The following AASS variants were observed in gnomAD, a reference collection of about 807,000 sequenced individuals.
AASS encodes the protein aminoadipate-semialdehyde synthase, also known as alpha-aminoadipic semialdehyde synthase, mitochondrial.
AASS carries 86 observed loss-of-function variants against 105.4 expected under a neutral mutation model. The observed-to-expected ratio is 0.82, with a 90% CI of 0.69 to 0.98. The LOEUF is 0.98. AASS is among the 50% of genes least tolerant of loss of function. The pLI is 0.00. For missense variants in AASS, 1,048 were observed against 1,143.2 expected (o/e 0.92, Z 1.20); for synonymous variants, 381 against 394.8 (o/e 0.96, Z 0.41).
rs1157525957 is a variant in AASS at position 122,098,791 on chromosome 7, A to C, written c.1482T>G (p.Pro494=). Residue 494 remains proline (P), a synonymous_variant, in exon 14 of 24, where the codon CCT becomes CCG. Coordinates refer to ENST00000417368, the MANE Select transcript of AASS (RefSeq NM_005763.4). Reference sequence around the variant, plus strand: ...CATCTCTTGATAAATATTCTAATACAGGCTCAGATATGTAGCCAGATCCAA... The same window carrying C: ...CATCTCTTGATAAATATTCTAATACCGGCTCAGATATGTAGCCAGATCCAA... ...LVLGSGYISE[P]VLEYLSRDGN... 6.2e-7 allele frequency: 1 copy of C among 1,606,626 alleles called. No homozygotes were observed.
intron 1 of AASS, among the ~76,000 whole-genome samples, chr7:122,141,109 G>T (rs147279461): frequency 1.3e-5 from 2 of 152,264 alleles, no homozygotes; most frequent in Non-Finnish European, 2.9e-5. Flanking sequence ...CTAGAACTAG[G>T]CTTGGGCTTG....
rs1001098239 is a variant in AASS, at chr7:122,073,827, T to C, written c.*2662A>G. On this transcript the variant is annotated 3_prime_UTR_variant, in exon 24 of 24. Coordinates refer to ENST00000417368, the MANE Select transcript of AASS (RefSeq NM_005763.4). ...TGGACATTTCATATAAATGAAATCA[T>C]ATAATATGTGGCCTTTCATGTCTGG... Among the ~76,000 whole-genome samples the C allele has an allele frequency of 5.6e-4, 86 of 152,322 alleles. 1 individual carries two copies. Among genetic ancestry groups the C allele is most frequent in the African/African-American group, 2.0e-3 (84 of 41,574 alleles).
At chr7:122,106,245 C>T (rs373220395) in intron 11 of AASS, among the ~76,000 whole-genome samples, 18 of 151,938 alleles carry the variant, frequency 1.2e-4, no homozygotes, top group African/African-American at 4.3e-4. Context: ...ACTTCCAATA[C>T]TATGTTGGAT....
In AASS at chr7:122,098,494, T is replaced by G. The variant is rs1794273331; in HGVS notation, c.1611A>C (p.Glu537Asp). 1.2e-6 allele frequency: 2 copies of G among 1,612,252 alleles called. No individual in the cohort carries two copies. Among genetic ancestry groups the G allele is most frequent in the Non-Finnish European group, 1.7e-6 (2 of 1,178,774 alleles). Residue 537 changes from glutamate (E) to aspartate (D), a missense_variant, in exon 15 of 24, where the codon GAA becomes GAC. Glu to Asp is a conservative substitution (Grantham distance 45, BLOSUM62 2). Transcript: ENST00000417368. The part of the protein sequence containing the change: ...NPVSMDICKQ[E>D]EKLGFLVAKQ... ...TTGCCACCAAGAAGCCCAGCTTCTCTTCTTGTTTACAAATGTCCATGCTAA... is the reference window on the plus strand; with the variant it reads ...TTGCCACCAAGAAGCCCAGCTTCTCGTCTTGTTTACAAATGTCCATGCTAA...
Position 122,115,207 on chromosome 7 carries a change from T to C in AASS, c.910A>G (p.Thr304Ala). ...CAGTAGATTCCATTAATTAAGCAAG[T>C]TGTATAGGGTGCAATCTGTAATGCA... The part of the protein sequence containing the change: ...RFNTDIAPYT[T>A]CLINGIYWEQ... Residue 304 changes from threonine to alanine, a missense_variant, in exon 9 of 24, where the codon ACT (threonine) becomes GCT (alanine). Thr to Ala is a moderately conservative substitution (Grantham distance 58). Coordinates refer to ENST00000417368, the MANE Select transcript of AASS (RefSeq NM_005763.4). 6.2e-7 allele frequency: 1 copy of C among 1,614,142 alleles called. No individual in the cohort carries two copies. The highest frequency in any genetic ancestry group is 8.5e-7 in the Non-Finnish European group (1 of 1,180,014).
chr7:122,107,809 A>G (rs1794734658), intron 11 of AASS, among the ~76,000 whole-genome samples: 1 of 152,040 alleles, frequency 6.6e-6, no homozygotes, highest in Non-Finnish European at 1.5e-5. Context: ...TACCCTGGTG[A>G]TGAAATAATC....
Position 122,092,944 on chromosome 7 carries a change from C to T in AASS, c.1774G>A (p.Asp592Asn). ...ALKELEKSVE[D>N]AGITIIGELG... ...TCACCAATGATTGTGATGCCAGCAT[C>T]TTCCACACTGCAGCAGGTGGAAAGA... The change falls in exon 17 of 24, where the codon GAT becomes AAT. Residue 592 changes from aspartate (D) to asparagine (N), a missense_variant. Asp to Asn is a conservative substitution (Grantham distance 23, BLOSUM62 1). Transcript: ENST00000417368. 3 of 1,613,854 alleles carry T rather than the reference C, an allele frequency of 1.9e-6. No homozygotes were observed. The highest frequency in any genetic ancestry group is 2.5e-6 in the Non-Finnish European group (3 of 1,179,828).
intron 15 of AASS, among the ~76,000 whole-genome samples, chr7:122,096,040 T>C (rs1441402488): frequency 6.6e-6 from 1 of 152,100 alleles, no homozygotes; most frequent in Non-Finnish European, 1.5e-5. Flanking sequence ...GTCTCGAATA[T>C]GATACAGTAA....
At chr7:122,121,854 C>G (rs572634816) in intron 4 of AASS, among the ~76,000 whole-genome samples, 1 of 151,896 alleles carries the variant, frequency 6.6e-6, no homozygotes, top group East Asian at 1.9e-4. Context: ...TTCATTTGAC[C>G]AGAAAATCTG....
At position 122,135,993 on chromosome 7, in the gene AASS, A is replaced by G. The variant is rs569111945; in HGVS notation, c.-15-2252T>C. Among the ~76,000 whole-genome samples the G allele has an allele frequency of 2.0e-5, 3 of 152,282 alleles. No individual in the cohort carries two copies. The East Asian group carries it at 5.8e-4, about 29-fold the overall frequency. On this transcript the variant is annotated intron_variant, in intron 1 of 23. Transcript: ENST00000417368. ...TATCCAACTTCAATTTTGTAGCCAAATGTCATTTCAGATGATGATTTGCTG... is the reference window on the plus strand; with the variant it reads ...TATCCAACTTCAATTTTGTAGCCAAGTGTCATTTCAGATGATGATTTGCTG...
At chr7:122,143,040 C>A (rs967979709) in intron 1 of AASS, among the ~76,000 whole-genome samples, 1 of 152,138 alleles carries the variant, frequency 6.6e-6, no homozygotes, top group East Asian at 1.9e-4. Context: ...CCAGGTTACA[C>A]AGTCAAGTCA....
intron 11 of AASS, among the ~76,000 whole-genome samples, chr7:122,103,002 C>A (rs548164404): frequency 6.6e-6 from 1 of 151,788 alleles, no homozygotes; most frequent in South Asian, 2.1e-4. Context: ...AATAAAAGGA[C>A]AATATAGATA....
At chr7:122,077,326 C>T (rs1793069212) in intron 23 of AASS, among the ~76,000 whole-genome samples, 1 of 152,070 alleles carries the variant, frequency 6.6e-6, no homozygotes, top group Non-Finnish European at 1.5e-5. Flanking sequence ...TTATTGAGTA[C>T]TAATAATATG....
chr7:122,135,867 T>TATACAGGTTCATTTAC (rs1796118108), intron 1 of AASS, among the ~76,000 whole-genome samples: 1 of 152,202 alleles, frequency 6.6e-6, no homozygotes, highest in African/African-American at 2.4e-5. Flanking sequence ...CTAATTTTTA[T>TATACAGGTTCATTTAC]ATACAGGTTC....
intron 18 of AASS, 88 bp from the exon 19 acceptor site, chr7:122,086,267 A>G (rs1178762784): frequency 5.4e-6 from 7 of 1,293,648 alleles, no homozygotes; most frequent in Non-Finnish European, 7.6e-6. Flanking sequence ...AGAAAGCAAC[A>G]GAAATTTGAA....
chr7:122,100,199 A>T (rs1045518429), intron 13 of AASS, among the ~76,000 whole-genome samples: 1 of 151,904 alleles, frequency 6.6e-6, no homozygotes, highest in Non-Finnish European at 1.5e-5. Flanking sequence ...TAGCAATCGG[A>T]GCCAAGTAAA....
intron 1 of AASS, among the ~76,000 whole-genome samples, chr7:122,136,520 T>A (rs1796146890): frequency 6.6e-6 from 1 of 152,100 alleles, no homozygotes; most frequent in Non-Finnish European, 1.5e-5. Flanking sequence ...ATATCTTCTG[T>A]TTTTTAAAAT....
chr7:122,094,232 CT>C (rs902448212), intron 15 of AASS, among the ~76,000 whole-genome samples: 9 of 152,068 alleles, frequency 5.9e-5, no homozygotes, highest in African/African-American at 2.2e-4. Flanking sequence ...CATGTAACCC[CT>C]GATTGTAAAA....
chr7:122,114,154 A>C (rs1166201261), intron 9 of AASS, among the ~76,000 whole-genome samples: 1 of 152,214 alleles, frequency 6.6e-6, no homozygotes, highest in African/African-American at 2.4e-5. Flanking sequence ...GCATTCAAAA[A>C]GTTGACTACA....
Sources: allele counts gnomAD v4.1 joint callset (sites outside exome capture counted in the v4.1 genomes callset), GRCh38; gene constraint gnomAD v4.1.1; transcripts MANE v1.5; gene names NCBI Gene and HGNC (gene_info 2026-07-23, HGNC 2026-07-21).